The following CLUH variants were observed in gnomAD, a reference collection of about 807,000 sequenced individuals.
The protein encoded by CLUH is clustered mitochondria protein homolog.
In CLUH, 77 loss-of-function variants were observed where a neutral mutation model predicts 139.3. That is an observed-to-expected ratio of 0.55 (90% CI 0.46 to 0.67). The LOEUF (loss-of-function observed/expected upper bound fraction) is 0.67, where lower values mean the gene tolerates loss of function less well. CLUH is among the 30% of genes least tolerant of loss of function. The pLI is 0.00. For missense variants in CLUH, 1,876 were observed against 1,875.8 expected, an observed-to-expected ratio of 1.00 and a Z score of 0.00; for synonymous variants, 999 against 801.6, an observed-to-expected ratio of 1.25 and a Z score of -4.16.
chr17:2,696,177 G>A lies in CLUH; in HGVS notation c.2373C>T (p.Ser791=). 3 of 1,564,698 alleles carry A rather than the reference G, an allele frequency of 1.9e-6. No individual in the cohort carries two copies. Among genetic ancestry groups the A allele is most frequent in the South Asian group, 1.2e-5 (1 of 84,798 alleles). ...CCCTCACCAAGCCAGGGATCTGGCAGGAGAGCAGGAAGGCAGCCGCGTCCT... is the reference window on the plus strand; with the variant it reads ...CCCTCACCAAGCCAGGGATCTGGCAAGAGAGCAGGAAGGCAGCCGCGTCCT... ...LLKDAAAFLL[S]CQIPGLVKDC... Residue 791 remains serine (S), a synonymous_variant, in exon 13 of 26, where the codon TCC becomes TCT. Coordinates refer to ENST00000651024, the MANE Select transcript of CLUH (RefSeq NM_001366661.1).
intron 25 of CLUH, among the ~76,000 whole-genome samples, chr17:2,691,386 AC>A (rs1216018945): frequency 6.6e-6 from 1 of 151,824 alleles, no homozygotes; most frequent in Non-Finnish European, 1.5e-5. Context: ...ACGTGGTGAA[AC>A]CCCATCTCTA....
chr17:2,698,651 G>T, intron 9 of CLUH, 61 bp from the exon 10 acceptor site: 1 of 1,449,926 alleles, frequency 6.9e-7, no homozygotes. Flanking sequence ...GCATCCACCT[G>T]GCCAAGCGCA....
chr17:2,700,509 G>T, intron 8 of CLUH, 35 bp from the exon 9 acceptor site: 1 of 1,595,428 alleles, frequency 6.3e-7, no homozygotes. Flanking sequence ...AACGAGCTCA[G>T]CCTGTGCCCT....
In CLUH at chr17:2,701,470, C is replaced by G; in HGVS notation, c.795G>C (p.Pro265=). 3.1e-6 allele frequency: 5 copies of G among 1,613,776 alleles called. No homozygotes were observed. The highest frequency in any genetic ancestry group is 2.2e-5 in the East Asian group (1 of 44,872). Residue 265 remains proline (P), a synonymous_variant, in exon 6 of 26, where the codon CCG becomes CCC. Coordinates refer to ENST00000651024, the MANE Select transcript of CLUH (RefSeq NM_001366661.1). The part of the protein sequence containing the change: ...VLTMSGWNPP[P]GNRKMHGDLM... The stretch of plus-strand genomic sequence containing the variant: ...GGTCCCCGTGCATCTTCCGGTTCCC[C>G]GGGGGCGGGTTCCATCCGCTCATGG...
At chr17:2,702,949 C>T (rs959607598) in intron 3 of CLUH, among the ~76,000 whole-genome samples, 1 of 152,130 alleles carries the variant, frequency 6.6e-6, no homozygotes, top group South Asian at 2.1e-4. Flanking sequence ...CTCAGCCTCC[C>T]GAGTAGCTGG....
At position 2,690,749 on chromosome 17, in the gene CLUH, C is replaced by A; in HGVS notation, c.3892G>T (p.Glu1298Ter). 1 of 1,531,442 alleles carries A rather than the reference C, an allele frequency of 6.5e-7. No individual in the cohort carries two copies. Among genetic ancestry groups the A allele is most frequent in the Non-Finnish European group, 8.7e-7 (1 of 1,148,780 alleles). The allele number at this position is 1,531,442 out of a possible 1,614,324, so 94.9% of individuals were successfully genotyped here. ...TGGAGCTGGTGCCGCCGCGCCACCT[C>A]GGCTTTCAGATTCTCCAGGTCTTTT... The part of the protein sequence containing the change: ...SQKDLENLKA[E>*]VARRHQLQEA... Residue 1298 changes from glutamate to a stop codon, truncating the protein, a stop_gained, in exon 26 of 26, where the codon GAG becomes TAG. Transcript: ENST00000651024. LOFTEE classifies it high-confidence loss of function.
intron 23 of CLUH, 40 bp downstream of exon 23, chr17:2,691,964 C>A (rs773865300): frequency 1.5e-6 from 1 of 684,312 alleles, no homozygotes; most frequent in African/African-American, 3.4e-5. Context: ...CCGCCACGCC[C>A]CCGCCCCGCC....
intron 16 of CLUH, 31 bp downstream of exon 16, chr17:2,694,826 A>ACCCCCCCCCCCCCCCCCCCCCCCCCCC: frequency 1.3e-6 from 1 of 796,176 alleles, no homozygotes; most frequent in Non-Finnish European, 1.8e-6. Context: ...GCCCAATCCC[A>ACCCCCCCCCCCCCCCCCCCCCCCCCCC]CCCACCCCAC....
chr17:2,702,043 G>A lies in CLUH; in HGVS notation c.490C>T (p.Arg164Cys), dbSNP rs750678711. The part of the protein sequence containing the change: ...LRVVEEPYTV[R>C]EARIHVRHVR... ...TGGCGCACGTGGATGCGGGCCTCACGCACCGTGTACGGCTCTGTCAGGAAG... is the reference window on the plus strand; with the variant it reads ...TGGCGCACGTGGATGCGGGCCTCACACACCGTGTACGGCTCTGTCAGGAAG... Residue 164 changes from arginine to cysteine, a missense_variant, in exon 4 of 26, where the codon CGT (arginine) becomes TGT (cysteine). Around this residue, in one of 3 missense-constraint regions of CLUH, gnomAD observed 270 missense variants for 354.7 expected, o/e 0.76. Coordinates refer to ENST00000651024, the MANE Select transcript of CLUH (RefSeq NM_001366661.1). The A allele has an allele frequency of 3.1e-6, 5 of 1,613,612 alleles. No individual in the cohort carries two copies. The highest frequency in any genetic ancestry group is 2.5e-6 in the Non-Finnish European group (3 of 1,179,768).
chr17:2,701,618 A>G lies in CLUH; in HGVS notation c.739T>C (p.Trp247Arg), dbSNP rs1349347656. The change falls in exon 5 of 26, where the codon TGG becomes CGG. Residue 247 changes from tryptophan (W) to arginine (R), a missense_variant. Trp to Arg is a moderately radical substitution (Grantham distance 101, BLOSUM62 -3). Around this residue, in one of 3 missense-constraint regions of CLUH, gnomAD observed 270 missense variants for 354.7 expected, o/e 0.76. Transcript: ENST00000651024. ...TCCCTCCCCCAGGATCCTACCTTCC[A>G]GTCACGGTTTTGGGGCTGCAGGGGA... ...LCPLQPQNRD[W>R]KPLQCLKVLT... The G allele has an allele frequency of 1.9e-6, 3 of 1,609,086 alleles. No homozygotes were observed. The highest frequency in any genetic ancestry group is 2.5e-6 in the Non-Finnish European group (3 of 1,177,796).
At chr17:2,700,991 G>T in intron 7 of CLUH, 149 bp downstream of exon 7, 1 of 1,456,932 alleles carries the variant, frequency 6.9e-7, no homozygotes, top group Non-Finnish European at 9.2e-7. Flanking sequence ...TGCTGTCTCG[G>T]CACTGGCCGA....
Position 2,691,984 on chromosome 17 carries a change from G to GCCCCGC in CLUH, c.3654+19_3654+20insGCGGGG, listed in dbSNP as rs757172508. ...ACGCCCCCGCCCCGCCCCCGCCCCC[G>GCCCCGC]CCACGCCCCCGCCGCGCACCTGCGT... On this transcript the variant is annotated intron_variant, in intron 23 of 25. Transcript: ENST00000651024. 34 of 487,354 alleles carry GCCCCGC rather than the reference G, an allele frequency of 7.0e-5. No individual in the cohort carries two copies. The highest frequency in any genetic ancestry group is 1.1e-3 in the Middle Eastern group (1 of 874). The allele number at this position is 487,354 out of a possible 1,614,324, so 30.2% of individuals were successfully genotyped here.
At position 2,701,443 on chromosome 17, in the gene CLUH, G is replaced by A. The variant is rs756736373; in HGVS notation, c.822C>T (p.Leu274=). The A allele has an allele frequency of 4.3e-6, 7 of 1,613,462 alleles. No individual in the cohort carries two copies. The South Asian group carries it at 7.7e-5, about 18-fold the overall frequency. Residue 274 remains leucine (L), a synonymous_variant, in exon 6 of 26, where the codon CTC becomes CTT. Transcript: ENST00000651024. ...PPGNRKMHGD[L]MYLFVITAED... is the part of the protein sequence containing the mutation. ...CGGCTGTGATCACAAACAGGTACAT[G>A]AGGTCCCCGTGCATCTTCCGGTTCC...
Position 2,697,880 on chromosome 17 carries a change from C to T in CLUH, c.1961+16G>A. 6.8e-7 allele frequency: 1 copy of T among 1,461,958 alleles called. No homozygotes were observed. 90.6% of individuals were successfully genotyped at this position (1,461,958 alleles called of 1,614,324 possible). A position where few individuals can be genotyped will look rare whatever the true frequency, so the allele number is the denominator to read the frequency against. The stretch of plus-strand genomic sequence containing the variant: ...GCAGCTGGCCCCGGCCCTGGTCCGG[C>T]AGGGCCGCCCCTCACCTGTGCTCCA... On this transcript the variant is annotated intron_variant, in intron 10 of 25. Coordinates refer to ENST00000651024, the MANE Select transcript of CLUH (RefSeq NM_001366661.1).
chr17:2,697,499 C>T (rs993339733), intron 10 of CLUH, among the ~76,000 whole-genome samples: 1 of 152,140 alleles, frequency 6.6e-6, no homozygotes, highest in Non-Finnish European at 1.5e-5. Flanking sequence ...AAGCCACTGG[C>T]ATTTGAGAGT....
chr17:2,709,187 T>C (rs2070440515), intron 1 of CLUH, among the ~76,000 whole-genome samples: 1 of 152,044 alleles, frequency 6.6e-6, no homozygotes, highest in South Asian at 2.1e-4. Flanking sequence ...AGGCACAATC[T>C]CACTCAGAAG....
At chr17:2,698,619 G>GAA (rs1567589369) in intron 9 of CLUH, 29 bp from the exon 10 acceptor site, 1 of 1,535,512 alleles carries the variant, frequency 6.5e-7, no homozygotes, top group South Asian at 1.2e-5. Flanking sequence ...GGCAGGGTTA[G>GAA]AGGCCGCGCC....
chr17:2,691,797 G>A lies in CLUH; in HGVS notation c.3753C>T (p.Tyr1251=). 6.3e-7 allele frequency: 1 copy of A among 1,587,034 alleles called. No individual in the cohort carries two copies. The highest frequency in any genetic ancestry group is 1.8e-5 in the Admixed American group (1 of 55,932). The change falls in exon 24 of 26, where the codon TAC becomes TAT. Residue 1251 remains tyrosine (Y), a synonymous_variant. Transcript: ENST00000651024. The stretch of plus-strand genomic sequence containing the variant: ...GGATGTTGGCGCTGGAGCCGTTGCG[G>A]TAGATCTCGTTCATGGTGCGCTGCA... ...VALQRTMNEI[Y]RNGSSANIPP...
intron 13 of CLUH, 95 bp downstream of exon 13, chr17:2,696,064 T>A: frequency 9.8e-7 from 1 of 1,020,806 alleles, no homozygotes; most frequent in Non-Finnish European, 1.5e-6. Flanking sequence ...AAGTCACTCC[T>A]GCGAGCCTGT....
Sources: gnomAD v4.1 joint callset for allele counts (sites outside exome capture counted in the v4.1 genomes callset) on GRCh38, gnomAD v4.1.1 for gene constraint, gnomAD v4.1.1 regional missense constraint, MANE v1.5 for transcripts, NCBI Gene and HGNC (gene_info 2026-07-23, HGNC 2026-07-21) for gene names.